Variants in DNAH10 observed in about 807,000 individuals in gnomAD.
The protein encoded by DNAH10 is axonemal beta dynein heavy chain 10.
DNAH10 carries 348 observed loss-of-function variants against 506.6 expected under a neutral mutation model. That is an observed-to-expected ratio of 0.69 (90% CI 0.63 to 0.75). DNAH10 has a LOEUF of 0.75. DNAH10 is among the 30% of genes least tolerant of loss of function. The pLI is 0.00. For missense variants in DNAH10, 5,179 were observed against 5,787.1 expected, an observed-to-expected ratio of 0.89 and a Z score of 3.41; for synonymous variants, 2,059 against 2,198.6, an observed-to-expected ratio of 0.94 and a Z score of 1.78.
chr12:123,834,090 C>G (rs1158950482), intron 27 of DNAH10, among the ~76,000 whole-genome samples: 1 of 152,222 alleles, frequency 6.6e-6, no homozygotes, highest in Admixed American at 6.5e-5. Flanking sequence ...ACTGTGTGAT[C>G]AGGCCTCCAT....
In DNAH10 at chr12:123,928,427, A is replaced by G; in HGVS notation, c.12146A>G (p.Gln4049Arg). Residue 4049 changes from glutamine (Q) to arginine (R), a missense_variant, in exon 70 of 79, where the codon CAG (glutamine) becomes CGG (arginine). By Grantham distance (43) the Gln-to-Arg change is conservative. Coordinates refer to ENST00000673944, the MANE Select transcript of DNAH10 (RefSeq NM_001372106.1). This position sits in a 1 kb window ranked among gnomAD's most constrained non-coding sequence, Gnocchi z 4.9. ...QLLETAVARG[Q>R]WLMLQNCHLL... ...CTGGAGACGGCGGTGGCTCGGGGGC[A>G]GTGGCTGATGCTGCAGAACTGCCAC... The G allele has an allele frequency of 6.2e-7, 1 of 1,607,070 alleles. No homozygotes were observed. The highest frequency in any genetic ancestry group is 8.5e-7 in the Non-Finnish European group (1 of 1,177,514).
chr12:123,773,058 C>T (rs1957317274), intron 4 of DNAH10, 116 bp downstream of exon 4: 6 of 700,398 alleles, frequency 8.6e-6, no homozygotes, highest in Non-Finnish European at 1.4e-5. Context: ...GCCAAGCTCT[C>T]TTTCTTTTCC....
Position 123,931,808 on chromosome 12 carries a change from T to C in DNAH10, c.13089T>C (p.Leu4363=), listed in dbSNP as rs1378164879. Reference sequence around the variant, plus strand: ...AGGAACTGGAACGCTTCAACAAGCTTGTGGTCCGGATGACGAAGTCTCTGG... The same window carrying C: ...AGGAACTGGAACGCTTCAACAAGCTCGTGGTCCGGATGACGAAGTCTCTGG... The part of the protein sequence containing the change: ...LLQELERFNK[L]VVRMTKSLAE... Residue 4363 remains leucine (L), a synonymous_variant, in exon 75 of 79, where the codon CTT becomes CTC. Coordinates refer to ENST00000673944, the MANE Select transcript of DNAH10 (RefSeq NM_001372106.1). 1.9e-6 allele frequency: 3 copies of C among 1,614,046 alleles called. No homozygotes were observed. The Admixed American group carries it at 5.0e-5, about 27-fold the overall frequency.
intron 23 of DNAH10, 149 bp from the exon 24 acceptor site, chr12:123,820,431 C>T: frequency 1.2e-6 from 1 of 823,246 alleles, no homozygotes; most frequent in Non-Finnish European, 1.9e-6. Context: ...TTTGGTTTTA[C>T]TTAGAATGGT....
intron 64 of DNAH10, 50 bp from the exon 65 acceptor site, chr12:123,918,626 G>T (rs767173976): frequency 6.6e-6 from 10 of 1,524,750 alleles, no homozygotes; most frequent in Non-Finnish European, 8.8e-6. Context: ...CCTGCCCTCT[G>T]CCCACATCTC....
chr12:123,766,991 C>T lies in DNAH10; in HGVS notation c.215-615C>T, dbSNP rs182102222. On this transcript the variant is annotated intron_variant, in intron 1 of 78. Transcript: ENST00000673944. ...TGTGATCTCGGCTCACTGCAACCTC[C>T]GCCTCTTGGGCTCAAGTGATTCTCC... 2.0e-3 allele frequency among the ~76,000 whole-genome samples: 303 copies of T among 149,992 alleles called. 1 individual carries two copies. The highest frequency in any genetic ancestry group is 2.6e-3 in the Non-Finnish European group (173 of 67,264).
chr12:123,812,407 C>T (rs896430808), intron 19 of DNAH10, among the ~76,000 whole-genome samples: 9 of 151,996 alleles, frequency 5.9e-5, no homozygotes, highest in Non-Finnish European at 7.4e-5. Flanking sequence ...GCTGAGATTG[C>T]GCCACTGCAC....
At chr12:123,798,950 C>A (rs1958379681) in intron 13 of DNAH10, among the ~76,000 whole-genome samples, 1 of 148,984 alleles carries the variant, frequency 6.7e-6, no homozygotes, top group South Asian at 2.1e-4. Context: ...TACTAAAATA[C>A]AAAAATTAGC....
At position 123,767,679 on chromosome 12, in the gene DNAH10, TAAAGTGC is replaced by T; in HGVS notation, c.289_295del (p.Lys97GlufsTer7). ...ATTCTCAAAAAGTGGAGTCCGTGGA[TAAAGTGC>T]GAGGTGTGGAGTTGGGAGGGGTCAT... is the stretch of plus-strand genomic sequence containing the variant. On this transcript the variant is annotated frameshift_variant, in exon 2 of 79. Coordinates refer to ENST00000673944, the MANE Select transcript of DNAH10 (RefSeq NM_001372106.1). LOFTEE classifies it high-confidence loss of function. The T allele has an allele frequency of 6.2e-7, 1 of 1,611,216 alleles. No homozygotes were observed. Among genetic ancestry groups the T allele is most frequent in the Non-Finnish European group, 8.5e-7 (1 of 1,178,760 alleles).
At chr12:123,930,061 C>A (rs1357416650) in intron 72 of DNAH10, 1 of 539,518 alleles carries the variant, frequency 1.9e-6, no homozygotes, top group East Asian at 3.0e-5. Flanking sequence ...GGTCTGCACA[C>A]GGCTCAGGCA....
Position 123,772,954 on chromosome 12 carries a change from G to C in DNAH10, c.505+12G>C, listed in dbSNP as rs903078243. ...CAGAAATACCAAAGGTACATTTCTG[G>C]CACGTGTGTGTGTATGTGTGTTGAG... On this transcript the variant is annotated intron_variant, in intron 4 of 78. Coordinates refer to ENST00000673944, the MANE Select transcript of DNAH10 (RefSeq NM_001372106.1). 8 of 1,578,030 alleles carry C rather than the reference G, an allele frequency of 5.1e-6. No individual in the cohort carries two copies. The highest frequency in any genetic ancestry group is 1.7e-4 in the Middle Eastern group (1 of 6,008).
chr12:123,780,171 CTCT>C (rs1957592014), intron 5 of DNAH10, among the ~76,000 whole-genome samples: 1 of 140,244 alleles, frequency 7.1e-6, no homozygotes, highest in Non-Finnish European at 1.6e-5. Context: ...CTCTCTCTCT[CTCT>C]CTTTCTTTCT....
At chr12:123,858,744 T>C (rs1951497821) in intron 37 of DNAH10, among the ~76,000 whole-genome samples, 1 of 152,164 alleles carries the variant, frequency 6.6e-6, no homozygotes, top group Non-Finnish European at 1.5e-5. Flanking sequence ...ATGGGATATA[T>C]TTTGGCCATA....
Position 123,850,720 on chromosome 12 carries a change from A to G in DNAH10, c.6103-168A>G, listed in dbSNP as rs535309987. ...CCTGCCCTCCCCAAGGCCTTCAGCGAGGGGGGCCCTGCATTGAACACCGGG... is the reference window on the plus strand; with the variant it reads ...CCTGCCCTCCCCAAGGCCTTCAGCGGGGGGGGCCCTGCATTGAACACCGGG... On this transcript the variant is annotated intron_variant, in intron 34 of 78. Transcript: ENST00000673944. This position sits in a 1 kb window ranked among gnomAD's most constrained non-coding sequence, Gnocchi z 5.5. Among the ~76,000 whole-genome samples the G allele has an allele frequency of 9.7e-4, 147 of 152,208 alleles. 1 individual carries two copies. Among genetic ancestry groups the G allele is most frequent in the African/African-American group, 3.4e-3 (140 of 41,534 alleles).
chr12:123,787,948 C>T lies in DNAH10; in HGVS notation c.1566C>T (p.Phe522=), dbSNP rs976928734. Residue 522 remains phenylalanine, a synonymous_variant, in exon 10 of 79, where the codon TTC becomes TTT. Transcript: ENST00000673944. The surrounding 1 kb of genome is among the most constrained non-coding windows in gnomAD (Gnocchi z 4.6). The part of the protein sequence containing the change: ...DRWEFDRKRL[F]ERTDYMATIC... The stretch of plus-strand genomic sequence containing the variant: ...GGGAGTTTGACCGGAAGCGGCTGTT[C>T]GAGAGGACGGATTATATGGCCACCA... The T allele has an allele frequency of 4.4e-6, 7 of 1,597,706 alleles. No individual in the cohort carries two copies. Among genetic ancestry groups the T allele is most frequent in the African/African-American group, 4.0e-5 (3 of 74,816 alleles).
At position 123,790,164 on chromosome 12, in the gene DNAH10, A is replaced by G. The variant is rs765198841; in HGVS notation, c.1815+43A>G. 6 of 1,576,062 alleles carry G rather than the reference A, an allele frequency of 3.8e-6. No individual in the cohort carries two copies. In the East Asian group the frequency reaches 1.1e-4, roughly 30 times the overall value. ...TGAGTCCATCTTGGGAGTCGACACC[A>G]TGTTTTCTCTGTGTTAAATTTGTTG... is the stretch of plus-strand genomic sequence containing the variant. On this transcript the variant is annotated intron_variant, in intron 11 of 78. Coordinates refer to ENST00000673944, the MANE Select transcript of DNAH10 (RefSeq NM_001372106.1).
chr12:123,812,430 G>A (rs1047570784), intron 19 of DNAH10, among the ~76,000 whole-genome samples: 32 of 152,096 alleles, frequency 2.1e-4, no homozygotes, highest in African/African-American at 6.3e-4. Context: ...CAGCCTAGGC[G>A]ACAGAGCGAA....
chr12:123,790,500 ATGGAGAGCTGAT>A (rs1345367523), intron 11 of DNAH10, among the ~76,000 whole-genome samples: 1 of 152,168 alleles, frequency 6.6e-6, no homozygotes, highest in Non-Finnish European at 1.5e-5. Flanking sequence ...AGGCGGGGGC[ATGGAGAGCTGAT>A]TGGAAACAAC....
At chr12:123,888,575 A>G (rs1952840632) in intron 52 of DNAH10, among the ~76,000 whole-genome samples, 1 of 152,214 alleles carries the variant, frequency 6.6e-6, no homozygotes, top group Admixed American at 6.5e-5. Context: ...CAGAGGAGGC[A>G]AAGAAGGATT....
Sources: allele counts gnomAD v4.1 joint callset (sites outside exome capture counted in the v4.1 genomes callset), GRCh38; gene constraint gnomAD v4.1.1; non-coding constraint Gnocchi (gnomAD v3.1); transcripts MANE v1.5; gene names NCBI Gene and HGNC (gene_info 2026-07-23, HGNC 2026-07-21).